The following PLA2G4C variants were observed in gnomAD, a reference collection of about 807,000 sequenced individuals.
PLA2G4C encodes the protein phospholipase A2 group IVC.
PLA2G4C carries 64 observed loss-of-function variants against 73.8 expected under a neutral mutation model. The observed-to-expected ratio is 0.87, with a 90% CI of 0.71 to 1.07. PLA2G4C has a LOEUF of 1.07. Ranked by LOEUF, PLA2G4C falls within the 50% of genes least tolerant of loss-of-function variation. PLA2G4C has a pLI of 0.00. For missense variants in PLA2G4C, 622 were observed against 665.4 expected, an observed-to-expected ratio of 0.93 and a Z score of 0.72; for synonymous variants, 254 against 252.1, an observed-to-expected ratio of 1.01 and a Z score of -0.07.
Position 48,072,175 on chromosome 19 carries a change from CA to C in PLA2G4C, c.1006+2591del, listed in dbSNP as rs756960784. 2.0e-5 allele frequency among the ~76,000 whole-genome samples: 3 copies of C among 151,622 alleles called. No homozygotes were observed. The highest frequency in any genetic ancestry group is 7.3e-5 in the African/African-American group (3 of 41,284). On this transcript the variant is annotated intron_variant, in intron 12 of 16. Transcript: ENST00000599921. This position sits in a 1 kb window ranked among gnomAD's most constrained non-coding sequence, Gnocchi z 4.4. ...AAACAAACAAAAACAAAAAACAAAA[CA>C]AAAAAAAGTACGTTTTTTAAAAGAA...
chr19:48,089,253 C>G (rs1164367259), intron 8 of PLA2G4C, among the ~76,000 whole-genome samples: 1 of 152,042 alleles, frequency 6.6e-6, no homozygotes, highest in Non-Finnish European at 1.5e-5. Context: ...ATGGTGAAAT[C>G]CTGTCTCTAC....
At chr19:48,056,693 A>G (rs139609459) in intron 14 of PLA2G4C, among the ~76,000 whole-genome samples, 4,316 of 150,946 alleles carry the variant, frequency 0.029, 204 homozygotes, top group African/African-American at 0.096. Context: ...TTAGCCGGGC[A>G]TGGTGGCACA....
At chr19:48,049,273 C>A (rs891251635) in intron 16 of PLA2G4C, among the ~76,000 whole-genome samples, 2 of 152,156 alleles carry the variant, frequency 1.3e-5, no homozygotes, top group African/African-American at 4.8e-5. Flanking sequence ...TTTACTTTTC[C>A]TTTGCACAGA....
chr19:48,080,217 A>T (rs899177946), intron 10 of PLA2G4C, among the ~76,000 whole-genome samples: 28 of 152,174 alleles, frequency 1.8e-4, no homozygotes, highest in African/African-American at 6.5e-4. Context: ...CAAGAAACAT[A>T]TGAAAAAAAT....
intron 13 of PLA2G4C, among the ~76,000 whole-genome samples, chr19:48,062,954 A>G (rs2097115048): frequency 6.6e-6 from 1 of 152,152 alleles, no homozygotes; most frequent in African/African-American, 2.4e-5. Flanking sequence ...ATGTCAATAT[A>G]TGTAAGATGA....
chr19:48,055,131 T>G, intron 14 of PLA2G4C, 82 bp from the exon 15 acceptor site: 2 of 1,357,446 alleles, frequency 1.5e-6, no homozygotes, highest in South Asian at 1.4e-5. Context: ...GGAGACCCAA[T>G]GGGACCTCAG....
chr19:48,066,763 A>G (rs915406139), intron 13 of PLA2G4C, among the ~76,000 whole-genome samples: 1 of 151,978 alleles, frequency 6.6e-6, no homozygotes, highest in Non-Finnish European at 1.5e-5. Flanking sequence ...CCAGGGGTTC[A>G]AGATCAGTCT....
chr19:48,073,633 A>G (rs2029937215), intron 12 of PLA2G4C, among the ~76,000 whole-genome samples: 1 of 152,014 alleles, frequency 6.6e-6, no homozygotes, highest in Non-Finnish European at 1.5e-5. Flanking sequence ...TGGATAATTT[A>G]TAAAGAAAAG....
intron 4 of PLA2G4C, 168 bp from the exon 5 acceptor site, chr19:48,100,028 C>A: frequency 2.0e-6 from 1 of 510,374 alleles, no homozygotes; most frequent in East Asian, 3.2e-5. Flanking sequence ...GCAGAACGAT[C>A]AAGTTCGAAG....
intron 6 of PLA2G4C, chr19:48,097,808 G>T: frequency 4.1e-6 from 1 of 243,510 alleles, no homozygotes; most frequent in Non-Finnish European, 7.9e-6. Flanking sequence ...GTTTTGAGAT[G>T]GGATCTCACT....
chr19:48,076,469 G>A (rs563322456), intron 11 of PLA2G4C, among the ~76,000 whole-genome samples: 21 of 152,198 alleles, frequency 1.4e-4, no homozygotes, highest in African/African-American at 3.6e-4. Context: ...TTGGCCCAGC[G>A]CGGTGGCTCA....
chr19:48,083,674 T>C (rs4802432), intron 10 of PLA2G4C, among the ~76,000 whole-genome samples: 85,280 of 151,580 alleles, frequency 0.56, 24,108 homozygotes, highest in Middle Eastern at 0.6. Context: ...CTCAAACTCC[T>C]GACCTCAGGT....
chr19:48,060,704 C>G (rs1022180138), intron 14 of PLA2G4C, among the ~76,000 whole-genome samples: 7 of 152,076 alleles, frequency 4.6e-5, no homozygotes, highest in Non-Finnish European at 1.0e-4. Flanking sequence ...ATCATATTGT[C>G]TTGGGATATT....
intron 13 of PLA2G4C, among the ~76,000 whole-genome samples, chr19:48,066,303 C>G (rs1968419470): frequency 6.6e-6 from 1 of 152,160 alleles, no homozygotes; most frequent in African/African-American, 2.4e-5. Flanking sequence ...TTGGTTTACA[C>G]TCTCATATAT....
intron 8 of PLA2G4C, among the ~76,000 whole-genome samples, chr19:48,089,745 C>T (rs989054855): frequency 4.6e-5 from 7 of 152,138 alleles, no homozygotes; most frequent in African/African-American, 7.2e-5. Context: ...GAAGCAGAGC[C>T]GGGATGTGGA....
chr19:48,068,303 CAA>C (rs71181639), intron 12 of PLA2G4C, among the ~76,000 whole-genome samples: 31,647 of 74,558 alleles, frequency 0.42, 4,521 homozygotes, highest in East Asian at 0.65. Context: ...GACTCCATCT[CAA>C]AAAAAAAAAA....
chr19:48,080,585 G>A (rs1396517434), intron 10 of PLA2G4C, among the ~76,000 whole-genome samples: 6 of 152,112 alleles, frequency 3.9e-5, no homozygotes, highest in Admixed American at 2.6e-4. Context: ...GAGGAGGGGA[G>A]ATCACTCGAG....
intron 8 of PLA2G4C, among the ~76,000 whole-genome samples, chr19:48,089,629 A>C (rs1395431306): frequency 6.6e-6 from 1 of 152,328 alleles, no homozygotes; most frequent in South Asian, 2.1e-4. Flanking sequence ...TTTAAACCCC[A>C]CATCAAATAT....
chr19:48,051,911 G>T (rs1043129274), intron 16 of PLA2G4C: 3 of 122,392 alleles, frequency 2.5e-5, no homozygotes, highest in African/African-American at 3.3e-5. Flanking sequence ...GCAAGGTCTT[G>T]CTCTGTCGCC....
Sources: gnomAD v4.1 joint callset for allele counts (sites outside exome capture counted in the v4.1 genomes callset) on GRCh38, gnomAD v4.1.1 for gene constraint, Gnocchi (gnomAD v3.1) non-coding constraint, MANE v1.5 for transcripts, NCBI Gene and HGNC (gene_info 2026-07-23, HGNC 2026-07-21) for gene names.